ATP10B: variants seen among roughly 807,000 people sequenced by gnomAD.
ATP10B encodes the protein phospholipid-transporting ATPase VB.
In ATP10B, 122 loss-of-function variants were observed where a neutral mutation model predicts 141.2. That is an observed-to-expected ratio of 0.86 (90% CI 0.75 to 1.00). The LOEUF (loss-of-function observed/expected upper bound fraction) is 1.00, where lower values mean the gene tolerates loss of function less well. Among genes scored for constraint, ATP10B ranks in the 50% least tolerant of loss-of-function variants. The pLI, the probability that ATP10B is intolerant of heterozygous loss-of-function variation, is 0.00. For synonymous variants in ATP10B, 685 were observed against 692.0 expected, an observed-to-expected ratio of 0.99 and a Z score of 0.16; for missense variants, 1,876 against 1,825.3, an observed-to-expected ratio of 1.03 and a Z score of -0.51.
chr5:160,801,231 T>G (rs146326285), intron 1 of ATP10B, among the ~76,000 whole-genome samples: 14 of 152,294 alleles, frequency 9.2e-5, no homozygotes, highest in African/African-American at 3.4e-4. Flanking sequence ...GACGCTACTT[T>G]ATAGAAATAC....
intron 1 of ATP10B, among the ~76,000 whole-genome samples, chr5:160,786,073 A>T (rs1771126507): frequency 6.6e-6 from 1 of 152,180 alleles, no homozygotes; most frequent in Admixed American, 6.5e-5. Flanking sequence ...TTGCTCCATG[A>T]AATGTGTGCT....
intron 17 of ATP10B, among the ~76,000 whole-genome samples, chr5:160,613,453 G>C (rs1243093968): frequency 1.3e-5 from 2 of 152,174 alleles, no homozygotes; most frequent in African/African-American, 4.8e-5. Context: ...GGTAGTGAAA[G>C]TTATTCAAGG....
chr5:160,843,732 A>G (rs891778454), intron 1 of ATP10B, among the ~76,000 whole-genome samples: 2 of 152,172 alleles, frequency 1.3e-5, no homozygotes, highest in African/African-American at 4.8e-5. Context: ...AAAAAATGAG[A>G]ATACAAAATT....
At chr5:160,784,771 T>C (rs1450711284) in intron 2 of ATP10B, among the ~76,000 whole-genome samples, 2 of 152,114 alleles carry the variant, frequency 1.3e-5, no homozygotes, top group African/African-American at 4.8e-5. Context: ...TTGAGTACCT[T>C]TATAAGCTTT....
chr5:160,779,010 A>G (rs143984296), intron 2 of ATP10B, among the ~76,000 whole-genome samples: 83 of 152,354 alleles, frequency 5.4e-4, no homozygotes, highest in Non-Finnish European at 8.8e-4. Flanking sequence ...AAGTCTGTGC[A>G]GCATTGAAGC....
chr5:160,900,279 TG>T, the ATP10B span, among the ~76,000 whole-genome samples: 2 of 152,258 alleles, frequency 1.3e-5, no homozygotes, highest in African/African-American at 4.8e-5. Context: ...CTTTTATTCT[TG>T]TTCTAGTCTC....
At chr5:160,585,968 A>T (rs1321420351) in intron 24 of ATP10B, among the ~76,000 whole-genome samples, 1 of 151,994 alleles carries the variant, frequency 6.6e-6, no homozygotes, top group Non-Finnish European at 1.5e-5. Flanking sequence ...ATTTTAAAAA[A>T]TTTTTATTTT....
chr5:160,654,510 T>C (rs1761343289), intron 7 of ATP10B, among the ~76,000 whole-genome samples: 1 of 152,182 alleles, frequency 6.6e-6, no homozygotes, highest in Non-Finnish European at 1.5e-5. Context: ...AGTGTGTGTC[T>C]CTGCAGCTCT....
chr5:160,585,629 A>G (rs957856579), intron 24 of ATP10B, among the ~76,000 whole-genome samples: 2 of 152,122 alleles, frequency 1.3e-5, no homozygotes, highest in African/African-American at 2.4e-5. Flanking sequence ...ACCAAAAACT[A>G]TACCTCCAAA....
chr5:160,568,400 A>G (rs1754680344), intron 25 of ATP10B, among the ~76,000 whole-genome samples: 1 of 152,222 alleles, frequency 6.6e-6, no homozygotes, highest in African/African-American at 2.4e-5. Context: ...TTATTAAAGG[A>G]AGTAAGGCCT....
chr5:160,781,332 C>T (rs76956985), intron 2 of ATP10B, among the ~76,000 whole-genome samples: 4,727 of 152,222 alleles, frequency 0.031, 248 homozygotes, highest in East Asian at 0.25. Flanking sequence ...AAATAGCAAT[C>T]GCCCTTTTGC....
At chr5:160,719,373 C>T (rs1349983979) in intron 2 of ATP10B, among the ~76,000 whole-genome samples, 2 of 152,216 alleles carry the variant, frequency 1.3e-5, no homozygotes, top group Admixed American at 6.5e-5. Context: ...GCACTCTGGC[C>T]TGGGCAACAG....
intron 6 of ATP10B, among the ~76,000 whole-genome samples, chr5:160,678,515 C>T (rs772494308): frequency 1.3e-5 from 2 of 152,160 alleles, no homozygotes; most frequent in South Asian, 2.1e-4. Context: ...AAAAATTACC[C>T]GGGCATGATG....
chr5:160,650,731 C>G (rs1397799440), intron 7 of ATP10B, among the ~76,000 whole-genome samples: 2 of 152,170 alleles, frequency 1.3e-5, no homozygotes, highest in Non-Finnish European at 2.9e-5. Context: ...TGAATGCACA[C>G]TTACACGTAG....
chr5:160,889,805 A>T, the ATP10B span, among the ~76,000 whole-genome samples: 1 of 152,220 alleles, frequency 6.6e-6, no homozygotes, highest in Non-Finnish European at 1.5e-5. Flanking sequence ...ACGTGGACCC[A>T]GGCTGCCTTT....
At chr5:160,835,524 C>T (rs1412751368) in intron 1 of ATP10B, among the ~76,000 whole-genome samples, 1 of 152,136 alleles carries the variant, frequency 6.6e-6, no homozygotes, top group Non-Finnish European at 1.5e-5. Context: ...ACTTTTGGAT[C>T]TTGACCCACT....
chr5:160,832,053 G>C (rs1488085458), intron 1 of ATP10B, among the ~76,000 whole-genome samples: 2 of 152,090 alleles, frequency 1.3e-5, no homozygotes, highest in African/African-American at 4.8e-5. Context: ...CTTTGTTCAA[G>C]GGGTCAAATA....
chr5:160,924,484 T>G, the ATP10B span, among the ~76,000 whole-genome samples: 1 of 152,246 alleles, frequency 6.6e-6, no homozygotes, highest in Non-Finnish European at 1.5e-5. Flanking sequence ...AATTATTAAC[T>G]ACTGTTATTA....
the ATP10B span, among the ~76,000 whole-genome samples, chr5:160,889,083 C>T: frequency 2.0e-5 from 3 of 152,202 alleles, no homozygotes; most frequent in East Asian, 5.8e-4. Flanking sequence ...TGATGGGGAA[C>T]TAGATACAGG....
Sources: allele counts gnomAD v4.1 joint callset (sites outside exome capture counted in the v4.1 genomes callset), GRCh38; gene constraint gnomAD v4.1.1; transcripts MANE v1.5; gene names NCBI Gene and HGNC (gene_info 2026-07-23, HGNC 2026-07-21).